Variants in SMARCC1 observed in about 807,000 individuals in gnomAD.
SMARCC1 encodes the protein SWI/SNF complex subunit SMARCC1.
SMARCC1 carries 43 observed loss-of-function variants against 147.4 expected under a neutral mutation model. The ratio of observed to expected loss-of-function variants is 0.29; its 90% CI spans 0.23 to 0.38. SMARCC1 has a LOEUF of 0.38. Ranked by LOEUF, SMARCC1 falls within the 10% of genes least tolerant of loss-of-function variation. The pLI is 1.00. For synonymous variants in SMARCC1, 495 were observed against 484.4 expected (o/e 1.02, Z -0.29); for missense variants, 1,119 against 1,381.1 (o/e 0.81, Z 3.01).
intron 1 of SMARCC1, among the ~76,000 whole-genome samples, chr3:47,780,533 G>T (rs540291666): frequency 6.6e-6 from 1 of 152,144 alleles, no homozygotes; most frequent in South Asian, 2.1e-4. Context: ...ACACTGACAG[G>T]CTTCACTGAG....
intron 13 of SMARCC1, among the ~76,000 whole-genome samples, chr3:47,689,143 T>A (rs1559645639): frequency 6.6e-6 from 1 of 151,828 alleles, no homozygotes; most frequent in Non-Finnish European, 1.5e-5. Flanking sequence ...GCCCAGGAGG[T>A]CAAGGTTACA....
At chr3:47,759,400 AT>A (rs2034745290) in intron 2 of SMARCC1, among the ~76,000 whole-genome samples, 1 of 151,352 alleles carries the variant, frequency 6.6e-6, no homozygotes, top group African/African-American at 2.4e-5. Context: ...AGGCGGGCAG[AT>A]CACAAGGTCG....
At chr3:47,659,758 A>AC (rs2033315861) in intron 21 of SMARCC1, among the ~76,000 whole-genome samples, 1 of 38,780 alleles carries the variant, frequency 2.6e-5, no homozygotes, top group African/African-American at 9.8e-5. Context: ...AAGAAAAAAA[A>AC]AAGGGGGGGG....
At position 47,662,424 on chromosome 3, in the gene SMARCC1, G is replaced by C. The variant is rs2033358884; in HGVS notation, c.2068C>G (p.Gln690Glu). 1 of 1,613,962 alleles carries C rather than the reference G, an allele frequency of 6.2e-7. No homozygotes were observed. The highest frequency in any genetic ancestry group is 1.3e-5 in the African/African-American group (1 of 74,922). Residue 690 changes from glutamine (Q) to glutamate (E), a missense_variant, in exon 20 of 28, where the codon CAG becomes GAG. Gln to Glu is a conservative substitution (Grantham distance 29, BLOSUM62 2). This residue lies in a region of SMARCC1 where 178 missense variants were observed against 264.6 expected (regional missense o/e 0.67). Coordinates refer to ENST00000254480, the MANE Select transcript of SMARCC1 (RefSeq NM_003074.4). ...GTACTCATAACTGGATTTCCTGACT[G>C]ACTGAAGGGGACAGGCTGGTAGGCC... ...PLAYQPVPFS[Q>E]SGNPVMSTVA... is the part of the protein sequence containing the mutation.
chr3:47,673,854 A>C (rs2033535903), intron 18 of SMARCC1, among the ~76,000 whole-genome samples: 1 of 152,226 alleles, frequency 6.6e-6, no homozygotes, highest in African/African-American at 2.4e-5. Flanking sequence ...GCCACTCACA[A>C]AAGTATATAC....
In SMARCC1 at chr3:47,781,712, G is replaced by C. The variant is rs1351201692; in HGVS notation, c.86C>G (p.Ala29Gly). The change falls in exon 1 of 28, where the codon GCT becomes GGT. Residue 29 changes from alanine (A) to glycine (G), a missense_variant. Around this residue, in one of 6 missense-constraint regions of SMARCC1, gnomAD observed 542 missense variants for 611.8 expected, o/e 0.89. Coordinates refer to ENST00000254480, the MANE Select transcript of SMARCC1 (RefSeq NM_003074.4). ...GCCCCCATCCTTCCGTCGATAAACAGCTAGGCCTGCGGCTGCCGCCGCAAT... is the reference window on the plus strand; with the variant it reads ...GCCCCCATCCTTCCGTCGATAAACACCTAGGCCTGCGGCTGCCGCCGCAAT... ...SGIAAAAAGL[A>G]VYRRKDGGPA... is the part of the protein sequence containing the mutation. 1.9e-6 allele frequency: 3 copies of C among 1,559,952 alleles called. No homozygotes were observed. Among genetic ancestry groups the C allele is most frequent in the African/African-American group, 2.8e-5 (2 of 70,374 alleles).
intron 19 of SMARCC1, among the ~76,000 whole-genome samples, chr3:47,668,895 A>G (rs985125499): frequency 2.0e-5 from 3 of 152,130 alleles, no homozygotes; most frequent in African/African-American, 7.2e-5. Flanking sequence ...TAAAAAAAAA[A>G]AAAAGGTACG....
chr3:47,756,533 C>CAAA (rs11353915), intron 2 of SMARCC1, among the ~76,000 whole-genome samples: 65 of 83,030 alleles, frequency 7.8e-4, no homozygotes, highest in African/African-American at 2.6e-3. Flanking sequence ...AACTCCGTCT[C>CAAA]AAAAAAAAAA....
intron 6 of SMARCC1, among the ~76,000 whole-genome samples, chr3:47,724,407 T>C (rs28856316): frequency 0.017 from 2,545 of 152,314 alleles, 65 homozygotes; most frequent in African/African-American, 0.049. Context: ...ATTCCACTTA[T>C]ATTAGGTTAT....
chr3:47,725,871 G>T (rs1327262040), intron 6 of SMARCC1, among the ~76,000 whole-genome samples: 1 of 146,456 alleles, frequency 6.8e-6, no homozygotes, highest in African/African-American at 2.5e-5. Context: ...AGACGAGCCT[G>T]GCCAACATGG....
intron 6 of SMARCC1, 38 bp downstream of exon 6, chr3:47,728,987 G>A (rs1003776278): frequency 1.5e-5 from 20 of 1,315,172 alleles, no homozygotes; most frequent in Non-Finnish European, 2.1e-5. Flanking sequence ...TTGGTATGAT[G>A]TATGAGCTCA....
chr3:47,708,077 T>G (rs2034032374), intron 9 of SMARCC1, among the ~76,000 whole-genome samples: 1 of 86,476 alleles, frequency 1.2e-5, no homozygotes, highest in Non-Finnish European at 2.4e-5. Flanking sequence ...AAGTTGAATT[T>G]TTTTTCTTTT....
intron 27 of SMARCC1, among the ~76,000 whole-genome samples, chr3:47,589,272 G>A (rs951056259): frequency 1.4e-4 from 22 of 152,146 alleles, no homozygotes; most frequent in African/African-American, 5.3e-4. Flanking sequence ...ACTGACTTAT[G>A]GCAGGAACCA....
chr3:47,678,334 A>T, intron 15 of SMARCC1, 23 bp from the exon 16 acceptor site: 2 of 1,270,418 alleles, frequency 1.6e-6, no homozygotes, highest in Non-Finnish European at 2.3e-6. Flanking sequence ...GGCAAAATTC[A>T]TAAGGTGGAC....
chr3:47,764,781 G>A (rs567864386), intron 2 of SMARCC1, among the ~76,000 whole-genome samples: 2 of 152,290 alleles, frequency 1.3e-5, no homozygotes, highest in Admixed American at 1.3e-4. Context: ...TTATCCACAC[G>A]TATGTGGCTG....
chr3:47,705,572 A>G (rs1414731500), intron 10 of SMARCC1, among the ~76,000 whole-genome samples: 1 of 152,192 alleles, frequency 6.6e-6, no homozygotes, highest in African/African-American at 2.4e-5. Context: ...AATACGATTC[A>G]AGGCATGTTC....
chr3:47,681,617 A>G (rs1438770591), intron 14 of SMARCC1, among the ~76,000 whole-genome samples: 1 of 152,190 alleles, frequency 6.6e-6, no homozygotes, highest in Non-Finnish European at 1.5e-5. Flanking sequence ...TAGTGGTTGC[A>G]CGGCAAAGAG....
Position 47,720,689 on chromosome 3 carries a change from C to T in SMARCC1, c.693G>A (p.Val231=). The change falls in exon 7 of 28, where the codon GTG becomes GTA. Residue 231 remains valine (V), a synonymous_variant. Coordinates refer to ENST00000254480, the MANE Select transcript of SMARCC1 (RefSeq NM_003074.4). The stretch of plus-strand genomic sequence containing the variant: ...ACCTGTCTGGGTAAAAGCCCCAATG[C>T]ACTAACACTTGCTTCTCTTTTCTCA... ...PVMRKEKQVL[V]HWGFYPDSYD... is the part of the protein sequence containing the mutation. 6.2e-7 allele frequency: 1 copy of T among 1,612,506 alleles called. No individual in the cohort carries two copies. The highest frequency in any genetic ancestry group is 8.5e-7 in the Non-Finnish European group (1 of 1,178,630).
At chr3:47,704,120 A>C (rs2033960950) in intron 10 of SMARCC1, among the ~76,000 whole-genome samples, 1 of 152,042 alleles carries the variant, frequency 6.6e-6, no homozygotes, top group Non-Finnish European at 1.5e-5. Flanking sequence ...TTTTTTAAAC[A>C]AAAGGAAGGA....
Sources: gnomAD v4.1 joint callset for allele counts (sites outside exome capture counted in the v4.1 genomes callset) on GRCh38, gnomAD v4.1.1 for gene constraint, gnomAD v4.1.1 regional missense constraint, MANE v1.5 for transcripts, NCBI Gene and HGNC (gene_info 2026-07-23, HGNC 2026-07-21) for gene names.